Variants in SBSPON observed in about 807,000 individuals in gnomAD.
SBSPON encodes the protein somatomedin-B and thrombospondin type-1 domain-containing protein.
In SBSPON, 30 loss-of-function variants were observed where a neutral mutation model predicts 35.8. The observed-to-expected ratio is 0.84, with a 90% CI of 0.63 to 1.14. The LOEUF (loss-of-function observed/expected upper bound fraction) is 1.14. Among genes scored for constraint, SBSPON ranks in the 50% most tolerant of loss-of-function variants. The pLI is 0.00. For missense variants in SBSPON, 364 were observed against 357.7 expected (o/e 1.02, Z -0.14); for synonymous variants, 136 against 135.9 (o/e 1.00, Z 0.00).
intron 2 of SBSPON, among the ~76,000 whole-genome samples, chr8:73,077,247 TAGC>T (rs1810610389): frequency 6.6e-6 from 1 of 152,232 alleles, no homozygotes; most frequent in African/African-American, 2.4e-5. Context: ...GGGTAATCTG[TAGC>T]AGCAGCCGTA....
At chr8:73,083,863 G>A (rs1423644655) in intron 1 of SBSPON, 6 of 152,202 alleles carry the variant, frequency 3.9e-5, no homozygotes, top group Admixed American at 3.9e-4. Flanking sequence ...AGAAAGCCTA[G>A]ATTTAATGGG....
intron 1 of SBSPON, 87 bp from the exon 2 acceptor site, chr8:73,081,300 G>A (rs1020347148): frequency 3.3e-6 from 4 of 1,205,658 alleles, no homozygotes; most frequent in Non-Finnish European, 4.6e-6. Flanking sequence ...GCTGAGTTTA[G>A]CTCCATGTAA....
Position 73,085,174 on chromosome 8 carries a change from G to A in SBSPON, c.215-3961C>T, listed in dbSNP as rs12114065. On this transcript the variant is annotated intron_variant, in intron 1 of 4. Transcript: ENST00000297354. The stretch of plus-strand genomic sequence containing the variant: ...GGGAATTCTTAGCCTGGCCCAGAGT[G>A]TGGGCTCTCCTGGCAGCAATGGCCC... 7.0e-3 allele frequency among the ~76,000 whole-genome samples: 1,062 copies of A among 152,266 alleles called. 6 individuals are homozygous for A. Among genetic ancestry groups the A allele is most frequent in the African/African-American group, 0.023 (973 of 41,556 alleles).
intron 1 of SBSPON, among the ~76,000 whole-genome samples, chr8:73,090,722 A>G (rs1185148613): frequency 6.6e-6 from 1 of 152,184 alleles, no homozygotes; most frequent in African/African-American, 2.4e-5. Flanking sequence ...GCCACAGGGT[A>G]TTGAGGGCTT....
In SBSPON at chr8:73,071,806, G is replaced by T; in HGVS notation, c.474C>A (p.His158Gln). 6.2e-7 allele frequency: 1 copy of T among 1,607,720 alleles called. No individual in the cohort carries two copies. Among genetic ancestry groups the T allele is most frequent in the Non-Finnish European group, 8.5e-7 (1 of 1,175,062 alleles). The change falls in exon 3 of 5, where the codon CAC (histidine) becomes CAA (glutamine). Residue 158 changes from histidine to glutamine, a missense_variant. Physicochemically the swap from His to Gln is conservative, Grantham distance 24. Transcript: ENST00000297354. The part of the protein sequence containing the change: ...KERTRQATSP[H>Q]WSTHTEDAGY... ...CAGCATCCTCTGTGTGTGTAGACCA[G>T]TGTGGAGACGTAGCTTGTCGTGTTC...
chr8:73,073,201 ACACACAGGCCCTACTT>A (rs1810530140), intron 2 of SBSPON, among the ~76,000 whole-genome samples: 1 of 152,358 alleles, frequency 6.6e-6, no homozygotes, highest in East Asian at 1.9e-4. Flanking sequence ...TGCAGCCAAG[ACACACAGGCCCTACTT>A]CCCTGCAGTC....
chr8:73,079,296 C>G (rs1358845673), intron 2 of SBSPON, among the ~76,000 whole-genome samples: 1 of 152,026 alleles, frequency 6.6e-6, no homozygotes, highest in Non-Finnish European at 1.5e-5. Flanking sequence ...ACATTTAAGG[C>G]CCCTTTCCAA....
At chr8:73,076,751 T>G (rs1414223314) in intron 2 of SBSPON, among the ~76,000 whole-genome samples, 1 of 151,188 alleles carries the variant, frequency 6.6e-6, no homozygotes, top group Non-Finnish European at 1.5e-5. Flanking sequence ...GGAAAGGATG[T>G]GGGCAGCCTC....
Position 73,069,982 on chromosome 8 carries a change from C to G in SBSPON, c.501-1G>C. 1 of 1,550,738 alleles carries G rather than the reference C, an allele frequency of 6.4e-7. No individual in the cohort carries two copies. The highest frequency in any genetic ancestry group is 8.7e-7 in the Non-Finnish European group (1 of 1,145,654). The stretch of plus-strand genomic sequence containing the variant: ...CTCTGTCTTAAACTCCATACAGTAT[C>G]TACAGCAAAAGAAGTAACAATGACA... On this transcript the variant is annotated splice_acceptor_variant, in intron 3 of 4. Coordinates refer to ENST00000297354, the MANE Select transcript of SBSPON (RefSeq NM_153225.4). LOFTEE classifies it high-confidence loss of function.
At chr8:73,082,757 A>G (rs1310202307) in intron 1 of SBSPON, among the ~76,000 whole-genome samples, 1 of 152,088 alleles carries the variant, frequency 6.6e-6, no homozygotes, top group Non-Finnish European at 1.5e-5. Flanking sequence ...TCATTGGCCC[A>G]TCAAACCAAA....
chr8:73,080,797 A>G (rs1276146356), intron 2 of SBSPON, among the ~76,000 whole-genome samples: 1 of 152,158 alleles, frequency 6.6e-6, no homozygotes, highest in Non-Finnish European at 1.5e-5. Flanking sequence ...CGGATTATAA[A>G]ACACACCAAG....
In SBSPON at chr8:73,065,908, C is replaced by T. The variant is rs1186382429; in HGVS notation, c.*1433G>A. ...TAAAGTTGCTAGCCTTGATGAGACTCACATATTTTATTATTAATTTCTGAA... is the reference window on the plus strand; with the variant it reads ...TAAAGTTGCTAGCCTTGATGAGACTTACATATTTTATTATTAATTTCTGAA... On this transcript the variant is annotated 3_prime_UTR_variant, in exon 5 of 5. Transcript: ENST00000297354. 1.3e-5 allele frequency: 2 copies of T among 151,972 alleles called. No homozygotes were observed. The highest frequency in any genetic ancestry group is 3.9e-4 in the East Asian group (2 of 5,154). 9.4% of individuals were successfully genotyped at this position (151,972 alleles called of 1,614,324 possible).
chr8:73,069,114 T>C (rs913572314), intron 4 of SBSPON, among the ~76,000 whole-genome samples: 1 of 152,152 alleles, frequency 6.6e-6, no homozygotes, highest in African/African-American at 2.4e-5. Context: ...AAGACATTTT[T>C]AAAAATCCAC....
intron 1 of SBSPON, among the ~76,000 whole-genome samples, chr8:73,085,236 C>T (rs1810801754): frequency 6.6e-6 from 1 of 152,046 alleles, no homozygotes; most frequent in African/African-American, 2.4e-5. Context: ...GTTTTCTGTG[C>T]CTTAAGATCA....
At chr8:73,088,841 C>A (rs956021678) in intron 1 of SBSPON, among the ~76,000 whole-genome samples, 44 of 152,288 alleles carry the variant, frequency 2.9e-4, no homozygotes, top group African/African-American at 1.0e-3. Context: ...AGTCTGAAAT[C>A]AGGCACTTCA....
At chr8:73,074,265 C>G (rs1179783389) in intron 2 of SBSPON, among the ~76,000 whole-genome samples, 1 of 152,030 alleles carries the variant, frequency 6.6e-6, no homozygotes, top group African/African-American at 2.4e-5. Flanking sequence ...TAATGTATAG[C>G]TCAGAAAAAG....
chr8:73,067,283 ATGACT>A lies in SBSPON; in HGVS notation c.*53_*57del. ...ATTGAAGGTTTAGGAAACATTGAAC[ATGACT>A]TGAGAATATTTAGAATGTTTACAAA... On this transcript the variant is annotated 3_prime_UTR_variant, in exon 5 of 5. Coordinates refer to ENST00000297354, the MANE Select transcript of SBSPON (RefSeq NM_153225.4). 1.9e-6 allele frequency: 2 copies of A among 1,065,934 alleles called. No homozygotes were observed. Among genetic ancestry groups the A allele is most frequent in the Non-Finnish European group, 2.9e-6 (2 of 689,150 alleles). The allele number at this position is 1,065,934 out of a possible 1,614,324, so 66.0% of individuals were successfully genotyped here.
intron 2 of SBSPON, among the ~76,000 whole-genome samples, chr8:73,075,009 A>G (rs1215869751): frequency 6.6e-6 from 1 of 152,222 alleles, no homozygotes; most frequent in Non-Finnish European, 1.5e-5. Context: ...CACAGAAGCT[A>G]TCTTCTGAGG....
At position 73,089,559 on chromosome 8, in the gene SBSPON, C is replaced by CAAA. The variant is rs57649090; in HGVS notation, c.214+3292_214+3294dup. On this transcript the variant is annotated intron_variant, in intron 1 of 4. Transcript: ENST00000297354. The stretch of plus-strand genomic sequence containing the variant: ...TGATAGAGTGAATGAGACTCCGTCT[C>CAAA]AAAAAAAAAAAAAAAATTGTTGGGA... 1.3e-3 allele frequency among the ~76,000 whole-genome samples: 144 copies of CAAA among 112,352 alleles called. 1 individual carries two copies. The highest frequency in any genetic ancestry group is 3.6e-3 in the African/African-American group (123 of 34,512). The allele number at this position is 112,352 out of a possible 152,430, so 73.7% of individuals were successfully genotyped here.
Sources: allele counts gnomAD v4.1 joint callset (sites outside exome capture counted in the v4.1 genomes callset), GRCh38; gene constraint gnomAD v4.1.1; transcripts MANE v1.5; gene names NCBI Gene and HGNC (gene_info 2026-07-23, HGNC 2026-07-21).